Variants in EFR3A observed in about 807,000 individuals in gnomAD.
EFR3A encodes protein EFR3 homolog A.
In EFR3A, 76 loss-of-function variants were observed where a neutral mutation model predicts 104.4. The observed-to-expected ratio is 0.73, with a 90% confidence interval of 0.60 to 0.88. The LOEUF is 0.88. Among genes scored for constraint, EFR3A ranks in the 40% least tolerant of loss-of-function variants. EFR3A has a pLI of 0.00. For missense variants in EFR3A, 985 were observed against 1,012.5 expected (o/e 0.97, Z 0.37); for synonymous variants, 330 against 330.0 (o/e 1.00, Z 0.00).
At chr8:131,950,454 C>T (rs12235037) in intron 5 of EFR3A, among the ~76,000 whole-genome samples, 50,937 of 151,948 alleles carry the variant, frequency 0.34, 8,946 homozygotes, top group East Asian at 0.61. Flanking sequence ...TCTTTGTGCA[C>T]AGAACAATTC....
chr8:131,995,654 G>A (rs1001628786), intron 18 of EFR3A, among the ~76,000 whole-genome samples: 1 of 152,172 alleles, frequency 6.6e-6, no homozygotes, highest in African/African-American at 2.4e-5. Flanking sequence ...ATTTAAAAGC[G>A]CTGTCAGAAG....
intron 19 of EFR3A, 63 bp from the exon 20 acceptor site, chr8:132,001,696 G>A: frequency 1.4e-6 from 2 of 1,405,224 alleles, no homozygotes; most frequent in Non-Finnish European, 1.0e-6. Context: ...CTTGTAACTA[G>A]GTAAAGGTGT....
At chr8:131,944,431 T>C (rs996084506) in intron 2 of EFR3A, among the ~76,000 whole-genome samples, 3 of 152,142 alleles carry the variant, frequency 2.0e-5, no homozygotes, top group Non-Finnish European at 4.4e-5. Context: ...ACAAATTTTG[T>C]TTGAAATCTT....
chr8:132,012,836 T>G lies in EFR3A; in HGVS notation c.*1941T>G, dbSNP rs574478824. ...TTTGCTCTACAAAATTTCGTGTTTC[T>G]TAGTGATTTTAAAATGCATGTATTG... On this transcript the variant is annotated 3_prime_UTR_variant, in exon 23 of 23. Transcript: ENST00000254624. The G allele has an allele frequency of 6.6e-6, 1 of 152,450 alleles. No individual in the cohort carries two copies. The highest frequency in any genetic ancestry group is 2.4e-5 in the African/African-American group (1 of 41,580). 9.4% of individuals were successfully genotyped at this position (152,450 alleles called of 1,614,324 possible). A position where few individuals can be genotyped will look rare whatever the true frequency, so the allele number is the denominator to read the frequency against.
intron 1 of EFR3A, among the ~76,000 whole-genome samples, chr8:131,912,272 A>C (rs745439819): frequency 2.0e-5 from 3 of 152,214 alleles, no homozygotes; most frequent in Non-Finnish European, 4.4e-5. Context: ...CCTGCATGGC[A>C]CATGGAAGGG....
chr8:131,931,103 G>T (rs1586555238), intron 1 of EFR3A, among the ~76,000 whole-genome samples: 1 of 152,104 alleles, frequency 6.6e-6, no homozygotes, highest in East Asian at 1.9e-4. Flanking sequence ...TTAGAAAGAA[G>T]AATTCTGGTA....
rs1208534493 is a variant in EFR3A at position 131,970,472 on chromosome 8, A to G, written c.992-4A>G. 1.6e-5 allele frequency: 25 copies of G among 1,612,848 alleles called. No homozygotes were observed. The highest frequency in any genetic ancestry group is 2.0e-5 in the Non-Finnish European group (24 of 1,179,246). ...TATCTTCTCACATAAGTGATCCTTTATAGGTCCGACAGTGCTGGAAGTCTT... is the reference window on the plus strand; with the variant it reads ...TATCTTCTCACATAAGTGATCCTTTGTAGGTCCGACAGTGCTGGAAGTCTT... On this transcript the variant is annotated splice_polypyrimidine_tract_variant and splice_region_variant and intron_variant, in intron 9 of 22. Coordinates refer to ENST00000254624, the MANE Select transcript of EFR3A (RefSeq NM_015137.6).
intron 1 of EFR3A, among the ~76,000 whole-genome samples, chr8:131,923,930 T>C (rs561880386): frequency 6.6e-6 from 1 of 152,098 alleles, no homozygotes; most frequent in Non-Finnish European, 1.5e-5. Context: ...TTTCTTTTTT[T>C]AAGCAATTAA....
intron 7 of EFR3A, among the ~76,000 whole-genome samples, chr8:131,958,396 G>T (rs1563663827): frequency 6.6e-6 from 1 of 152,186 alleles, no homozygotes; most frequent in Non-Finnish European, 1.5e-5. Flanking sequence ...TTCTCTGAAT[G>T]TGTTTCTATC....
intron 5 of EFR3A, 62 bp downstream of exon 5, chr8:131,950,152 A>T (rs1296238239): frequency 6.9e-7 from 1 of 1,445,264 alleles, no homozygotes; most frequent in African/African-American, 1.4e-5. Context: ...TTGTGTTCAT[A>T]TGTTACATAA....
chr8:131,931,974 T>C (rs1299478192), intron 1 of EFR3A, among the ~76,000 whole-genome samples: 1 of 152,072 alleles, frequency 6.6e-6, no homozygotes, highest in African/African-American at 2.4e-5. Context: ...ATGCCACTGG[T>C]CCTGGCATAA....
intron 7 of EFR3A, among the ~76,000 whole-genome samples, chr8:131,956,692 T>G (rs1455588975): frequency 6.6e-6 from 1 of 152,080 alleles, no homozygotes; most frequent in Non-Finnish European, 1.5e-5. Flanking sequence ...TAGCCTAGAG[T>G]TCAAAGTTGA....
At chr8:131,906,003 C>A (rs949261298) in intron 1 of EFR3A, among the ~76,000 whole-genome samples, 1 of 152,166 alleles carries the variant, frequency 6.6e-6, no homozygotes, top group Non-Finnish European at 1.5e-5. Flanking sequence ...GTTAAGAATG[C>A]AGATTTCACA....
chr8:132,001,110 T>C (rs1157756790), intron 19 of EFR3A: 1 of 152,232 alleles, frequency 6.6e-6, no homozygotes, highest in Non-Finnish European at 1.5e-5. Context: ...CTGACTTTTA[T>C]CATAAAGCGG....
intron 8 of EFR3A, among the ~76,000 whole-genome samples, chr8:131,963,196 C>T (rs1414899836): frequency 1.3e-5 from 2 of 152,128 alleles, no homozygotes; most frequent in African/African-American, 4.8e-5. Flanking sequence ...CAAAAGCTAG[C>T]AGAAGGCAAG....
chr8:131,957,475 C>T (rs965705122), intron 7 of EFR3A, among the ~76,000 whole-genome samples: 2 of 151,662 alleles, frequency 1.3e-5, no homozygotes, highest in African/African-American at 4.8e-5. Flanking sequence ...CTCAGCCTCC[C>T]GAGTAGCTTG....
chr8:131,952,272 G>C (rs1203116902), intron 5 of EFR3A, among the ~76,000 whole-genome samples: 1 of 152,052 alleles, frequency 6.6e-6, no homozygotes. Flanking sequence ...CATTTAAATT[G>C]TTCAACATTT....
At chr8:131,950,781 ATCAC>A (rs1158333903) in intron 5 of EFR3A, among the ~76,000 whole-genome samples, 1 of 152,158 alleles carries the variant, frequency 6.6e-6, no homozygotes, top group East Asian at 1.9e-4. Context: ...ATATTACTGA[ATCAC>A]TATCCATCTG....
intron 18 of EFR3A, among the ~76,000 whole-genome samples, chr8:131,990,824 A>G (rs1351966668): frequency 2.0e-5 from 3 of 152,156 alleles, no homozygotes; most frequent in Admixed American, 6.6e-5. Flanking sequence ...TTTGATTGGT[A>G]TGGAGAGACA....
Sources: allele counts gnomAD v4.1 joint callset (sites outside exome capture counted in the v4.1 genomes callset), GRCh38; gene constraint gnomAD v4.1.1; transcripts MANE v1.5; gene names NCBI Gene and HGNC (gene_info 2026-07-23, HGNC 2026-07-21).